MACROD2: variants seen among roughly 807,000 people sequenced by gnomAD.
MACROD2 encodes the protein mono-ADP ribosylhydrolase 2, also known as ADP-ribose glycohydrolase MACROD2.
A neutral mutation model predicts 70.4 loss-of-function variants in MACROD2; 36 were observed. The observed-to-expected ratio is 0.51, with a 90% CI of 0.39 to 0.68. MACROD2 has a LOEUF of 0.68. Ranked by LOEUF, MACROD2 falls within the 30% of genes least tolerant of loss-of-function variation. The probability of loss-of-function intolerance (pLI) is 0.00; values close to 1 mark genes in which losing one functional copy is unlikely to be tolerated. For synonymous variants in MACROD2, 172 were observed against 178.8 expected, an observed-to-expected ratio of 0.96 and a Z score of 0.30; for missense variants, 496 against 538.4, an observed-to-expected ratio of 0.92 and a Z score of 0.78.
chr20:15,910,273 T>C (rs1291310299), intron 10 of MACROD2, among the ~76,000 whole-genome samples: 1 of 152,192 alleles, frequency 6.6e-6, no homozygotes, highest in Non-Finnish European at 1.5e-5. Flanking sequence ...AAGTCCTCAG[T>C]GGCACCAAGC....
At chr20:14,480,816 A>C (rs935438453) in intron 3 of MACROD2, among the ~76,000 whole-genome samples, 5 of 152,172 alleles carry the variant, frequency 3.3e-5, no homozygotes, top group African/African-American at 1.2e-4. Flanking sequence ...TCATAAAGTT[A>C]TATTTTTCCA....
chr20:15,119,057 A>G (rs2076012106), intron 5 of MACROD2, among the ~76,000 whole-genome samples: 1 of 152,182 alleles, frequency 6.6e-6, no homozygotes, highest in Non-Finnish European at 1.5e-5. Context: ...AAGGCTGCCA[A>G]TTTTTAAAAT....
intron 3 of MACROD2, among the ~76,000 whole-genome samples, chr20:14,228,338 CT>C (rs11467676): frequency 0.013 from 1,892 of 143,566 alleles, 10 homozygotes; most frequent in African/African-American, 0.024. Context: ...AAATATTTTT[CT>C]TTTTTTTTTT....
intron 3 of MACROD2, among the ~76,000 whole-genome samples, chr20:14,226,282 T>C (rs2081732421): frequency 6.6e-6 from 1 of 152,164 alleles, no homozygotes; most frequent in Admixed American, 6.5e-5. Flanking sequence ...GGTAGCTGTT[T>C]GTATACATAG....
intron 3 of MACROD2, among the ~76,000 whole-genome samples, chr20:14,193,734 C>G (rs2081407672): frequency 1.3e-5 from 2 of 152,086 alleles, no homozygotes; most frequent in African/African-American, 4.8e-5. Flanking sequence ...ATACCCTGAC[C>G]CTTTTCTCTT....
intron 5 of MACROD2, among the ~76,000 whole-genome samples, chr20:15,218,478 G>C (rs2076830317): frequency 6.6e-6 from 1 of 152,116 alleles, no homozygotes; most frequent in Non-Finnish European, 1.5e-5. Flanking sequence ...TAAAACTACT[G>C]TCATGATTTT....
intron 5 of MACROD2, among the ~76,000 whole-genome samples, chr20:14,701,230 T>A (rs6042864): frequency 0.017 from 2,556 of 152,272 alleles, 74 homozygotes; most frequent in African/African-American, 0.057. Flanking sequence ...ATGTCACTGC[T>A]ATCTATATTC....
chr20:14,705,410 G>A (rs1471076019), intron 5 of MACROD2, among the ~76,000 whole-genome samples: 1 of 152,090 alleles, frequency 6.6e-6, no homozygotes, highest in East Asian at 1.9e-4. Context: ...TACCCATGTA[G>A]TGTATTGTCA....
At chr20:15,788,805 T>C (rs749867722) in intron 8 of MACROD2, among the ~76,000 whole-genome samples, 3 of 152,170 alleles carry the variant, frequency 2.0e-5, no homozygotes, top group African/African-American at 4.8e-5. Context: ...CTATAATAAG[T>C]AAAGATATTA....
chr20:15,615,417 G>C (rs2049023717), intron 8 of MACROD2, among the ~76,000 whole-genome samples: 1 of 152,176 alleles, frequency 6.6e-6, no homozygotes. Flanking sequence ...TAGAGTAGTG[G>C]TCACAAAAGG....
intron 5 of MACROD2, among the ~76,000 whole-genome samples, chr20:15,084,158 C>T (rs553134947): frequency 2.0e-5 from 3 of 150,922 alleles, no homozygotes; most frequent in Non-Finnish European, 2.9e-5. Context: ...CTCTGCCTCC[C>T]GGGTTCAAGT....
chr20:15,400,184 T>C (rs896802565), intron 6 of MACROD2, among the ~76,000 whole-genome samples: 14 of 152,256 alleles, frequency 9.2e-5, no homozygotes, highest in African/African-American at 3.4e-4. Flanking sequence ...AAGCAACCTA[T>C]AAAATATAAA....
intron 3 of MACROD2, among the ~76,000 whole-genome samples, chr20:14,153,437 A>G (rs2055053190): frequency 2.6e-5 from 4 of 152,200 alleles, no homozygotes. Flanking sequence ...AAGATGCCCA[A>G]AGTTTCAGCT....
At chr20:14,352,679 A>G (rs2122698448) in intron 3 of MACROD2, among the ~76,000 whole-genome samples, 1 of 152,272 alleles carries the variant, frequency 6.6e-6, no homozygotes, top group Non-Finnish European at 1.5e-5. Context: ...TTGTATTTAT[A>G]GAAGGAGCAC....
At chr20:15,168,225 T>C (rs1568613481) in intron 5 of MACROD2, among the ~76,000 whole-genome samples, 1 of 152,022 alleles carries the variant, frequency 6.6e-6, no homozygotes, top group Non-Finnish European at 1.5e-5. Context: ...AATCAAGAGA[T>C]TCTGGGCAGT....
intron 13 of MACROD2, among the ~76,000 whole-genome samples, chr20:15,985,585 T>TAC (rs1568687302): frequency 4.8e-4 from 73 of 152,142 alleles, no homozygotes; most frequent in African/African-American, 1.7e-3. Flanking sequence ...GGGCCTGCTA[T>TAC]GCGCTGCTCT....
At chr20:14,922,897 G>C (rs990063954) in intron 5 of MACROD2, among the ~76,000 whole-genome samples, 2 of 152,170 alleles carry the variant, frequency 1.3e-5, no homozygotes, top group Admixed American at 6.5e-5. Flanking sequence ...ATTTTAAAAT[G>C]TGAATTATCA....
intron 6 of MACROD2, among the ~76,000 whole-genome samples, chr20:15,289,074 GGCCTGAGCCTGT>G (rs2077518533): frequency 1.3e-5 from 2 of 152,100 alleles, no homozygotes; most frequent in Admixed American, 1.3e-4. Context: ...TGATTGTCCA[GGCCTGAGCCTGT>G]GCCTGCCCGC....
At chr20:14,798,414 A>T (rs1401899896) in intron 5 of MACROD2, among the ~76,000 whole-genome samples, 1 of 152,038 alleles carries the variant, frequency 6.6e-6, no homozygotes, top group African/African-American at 2.4e-5. Flanking sequence ...TGGGAAGATC[A>T]TTGCTTTTCT....
Sources: gnomAD v4.1 joint callset for allele counts (sites outside exome capture counted in the v4.1 genomes callset) on GRCh38, gnomAD v4.1.1 for gene constraint, MANE v1.5 for transcripts, NCBI Gene and HGNC (gene_info 2026-07-23, HGNC 2026-07-21) for gene names.